The following CCDC106 variants were observed in gnomAD, a reference collection of about 807,000 sequenced individuals.
CCDC106 encodes coiled-coil domain-containing protein 106.
Under a neutral mutation model 24.7 loss-of-function variants are expected in CCDC106, and 17 were observed. The observed-to-expected ratio is 0.69, with a 90% CI of 0.47 to 1.03. The LOEUF (loss-of-function observed/expected upper bound fraction) is 1.03, where lower values mean the gene tolerates loss of function less well. Among genes scored for constraint, CCDC106 ranks in the 50% least tolerant of loss-of-function variants. CCDC106 has a pLI of 0.00. For missense variants in CCDC106, 337 were observed against 388.9 expected, an observed-to-expected ratio of 0.87 and a Z score of 1.12; for synonymous variants, 211 against 161.3, an observed-to-expected ratio of 1.31 and a Z score of -2.34.
chr19:55,650,822 C>A (rs773483863), intron 3 of CCDC106, among the ~76,000 whole-genome samples: 10 of 152,188 alleles, frequency 6.6e-5, no homozygotes, highest in Admixed American at 6.5e-4. Context: ...CTCCGCCTGC[C>A]GGCTCCCTCT....
At position 55,652,943 on chromosome 19, in the gene CCDC106, G is replaced by C. The variant is rs892641676; in HGVS notation, c.*197G>C. 17 of 575,156 alleles carry C rather than the reference G, an allele frequency of 3.0e-5. No individual in the cohort carries two copies. Among genetic ancestry groups the C allele is most frequent in the Non-Finnish European group, 4.6e-5 (15 of 324,954 alleles). The allele number at this position is 575,156 out of a possible 1,614,324, so 35.6% of individuals were successfully genotyped here. A position where few individuals can be genotyped will look rare whatever the true frequency, so the allele number is the denominator to read the frequency against. On this transcript the variant is annotated 3_prime_UTR_variant, in exon 5 of 5. Transcript: ENST00000586790. This position sits in a 1 kb window ranked among gnomAD's most constrained non-coding sequence, Gnocchi z 5.9. Reference sequence around the variant, plus strand: ...CGAACGCCGGCACCCCCTTCCGCTTGGGCTGCCCAGCCCTGTCCTCGCCGG... The same window carrying C: ...CGAACGCCGGCACCCCCTTCCGCTTCGGCTGCCCAGCCCTGTCCTCGCCGG...
At position 55,648,605 on chromosome 19, in the gene CCDC106, C is replaced by T. The variant is rs1983021288; in HGVS notation, c.-442C>T. On this transcript the variant is annotated 5_prime_UTR_variant, in exon 1 of 5. It introduces an in-frame stop codon into an upstream open reading frame of the 5' UTR. Transcript: ENST00000586790. ...CTCCTCCTACCCTGGGAAGTTGGGG[C>T]AGTTTCCCCCTGCACCTGCCTCTTC... The T allele has an allele frequency of 5.3e-6, 1 of 189,716 alleles. No homozygotes were observed. Among genetic ancestry groups the T allele is most frequent in the Admixed American group, 5.4e-5 (1 of 18,636 alleles). 11.8% of individuals were successfully genotyped at this position (189,716 alleles called of 1,614,324 possible). A position where few individuals can be genotyped will look rare whatever the true frequency, so the allele number is the denominator to read the frequency against.
Position 55,649,572 on chromosome 19 carries a change from C to T in CCDC106, c.301C>T (p.Arg101Trp). The T allele has an allele frequency of 1.9e-6, 3 of 1,613,686 alleles. No homozygotes were observed. Among genetic ancestry groups the T allele is most frequent in the South Asian group, 1.1e-5 (1 of 91,010 alleles). ...GCTGGACAAATTCATCTCTTCTGCT[C>T]GGATGGAGGCAGGTGTGTGTGGGGT... ...CQLDKFISSA[R>W]MEAEDHCRMK... Residue 101 changes from arginine to tryptophan, a missense_variant, in exon 3 of 5, where the codon CGG (arginine) becomes TGG (tryptophan). Arg to Trp is a moderately radical substitution (Grantham distance 101, BLOSUM62 -3). Around this residue, in one of 2 missense-constraint regions of CCDC106, gnomAD observed 234 missense variants for 236.5 expected, o/e 0.99. Coordinates refer to ENST00000586790, the MANE Select transcript of CCDC106 (RefSeq NM_001370470.1).
chr19:55,653,009 C>CCT lies in CCDC106; in HGVS notation c.*265_*266dup. ...AAAACCAGGCAGGCGGGTGCCCCCC[C>CCT]CTCGAGTGGGGGACTGTACAGACCC... On this transcript the variant is annotated 3_prime_UTR_variant, in exon 5 of 5. Coordinates refer to ENST00000586790, the MANE Select transcript of CCDC106 (RefSeq NM_001370470.1). 6.1e-6 allele frequency: 3 copies of CCT among 492,442 alleles called. No homozygotes were observed. In the South Asian group the frequency reaches 7.2e-5, roughly 12 times the overall value. 30.5% of individuals were successfully genotyped at this position (492,442 alleles called of 1,614,324 possible). A position where few individuals can be genotyped will look rare whatever the true frequency, so the allele number is the denominator to read the frequency against.
Position 55,648,620 on chromosome 19 carries a change from C to T in CCDC106, c.-427C>T, listed in dbSNP as rs978617152. 14 of 209,802 alleles carry T rather than the reference C, an allele frequency of 6.7e-5. No homozygotes were observed. Among genetic ancestry groups the T allele is most frequent in the African/African-American group, 2.3e-4 (10 of 43,116 alleles). 13.0% of individuals were successfully genotyped at this position (209,802 alleles called of 1,614,324 possible). ...GAAGTTGGGGCAGTTTCCCCCTGCA[C>T]CTGCCTCTTCCTTAGGCCTGGCAGT... On this transcript the variant is annotated 5_prime_UTR_variant, in exon 1 of 5. Coordinates refer to ENST00000586790, the MANE Select transcript of CCDC106 (RefSeq NM_001370470.1).
At position 55,648,971 on chromosome 19, in the gene CCDC106, C is replaced by T. The variant is rs1600055446; in HGVS notation, c.-76C>T. 19 of 1,433,940 alleles carry T rather than the reference C, an allele frequency of 1.3e-5. No individual in the cohort carries two copies. The highest frequency in any genetic ancestry group is 1.8e-5 in the Non-Finnish European group (18 of 1,018,536). 88.8% of individuals were successfully genotyped at this position (1,433,940 alleles called of 1,614,324 possible). A position where few individuals can be genotyped will look rare whatever the true frequency, so the allele number is the denominator to read the frequency against. The stretch of plus-strand genomic sequence containing the variant: ...GATGGACCCTCCAGTCCATCTGCGT[C>T]TCTCCATTTGTGGCTGCCGTTTCTG... On this transcript the variant is annotated 5_prime_UTR_variant, in exon 1 of 5. Coordinates refer to ENST00000586790, the MANE Select transcript of CCDC106 (RefSeq NM_001370470.1).
rs1302348594 is a variant in CCDC106 at position 55,648,497 on chromosome 19, G to A, written c.-550G>A. Reference sequence around the variant, plus strand: ...GCACGCGCCCAGCCCCCACCACCGGGGGACGGTCCGCCCGCCCACGCGAGT... The same window carrying A: ...GCACGCGCCCAGCCCCCACCACCGGAGGACGGTCCGCCCGCCCACGCGAGT... On this transcript the variant is annotated 5_prime_UTR_variant, in exon 1 of 5. Coordinates refer to ENST00000586790, the MANE Select transcript of CCDC106 (RefSeq NM_001370470.1). 6.3e-6 allele frequency: 1 copy of A among 158,528 alleles called. No homozygotes were observed. Among genetic ancestry groups the A allele is most frequent in the African/African-American group, 2.4e-5 (1 of 41,486 alleles). 9.8% of individuals were successfully genotyped at this position (158,528 alleles called of 1,614,324 possible).
intron 3 of CCDC106, 166 bp downstream of exon 3, chr19:55,649,750 C>T (rs2123648568): frequency 4.8e-6 from 3 of 629,366 alleles, no homozygotes; most frequent in East Asian, 5.5e-5. Flanking sequence ...GCTGCCTCCT[C>T]ACTTGATTCC....
chr19:55,651,406 G>A lies in CCDC106; in HGVS notation c.437G>A (p.Gly146Asp). 6.2e-7 allele frequency: 1 copy of A among 1,611,162 alleles called. No individual in the cohort carries two copies. The highest frequency in any genetic ancestry group is 1.1e-5 in the South Asian group (1 of 90,696). The change falls in exon 4 of 5, where the codon GGC becomes GAC. Residue 146 changes from glycine to aspartate, a missense_variant. Transcript: ENST00000586790. ...ASSLSGASEE[G>D]SASERRRQKQ... The stretch of plus-strand genomic sequence containing the variant: ...TCCCTCAGCGGAGCGTCCGAAGAAG[G>A]CAGCGCCAGTGAGAGGAGGCGGCAG...
Position 55,649,002 on chromosome 19 carries a change from T to G in CCDC106, c.-45T>G, listed in dbSNP as rs1360141807. 14 of 1,602,472 alleles carry G rather than the reference T, an allele frequency of 8.7e-6. No homozygotes were observed. The highest frequency in any genetic ancestry group is 2.2e-5 in the East Asian group (1 of 44,832). Reference sequence around the variant, plus strand: ...ATTTGTGGCTGCCGTTTCTGTCCAGTGCCCCTGAGGCCCTCGGCTGCTGGG... The same window carrying G: ...ATTTGTGGCTGCCGTTTCTGTCCAGGGCCCCTGAGGCCCTCGGCTGCTGGG... On this transcript the variant is annotated 5_prime_UTR_variant, in exon 1 of 5. Coordinates refer to ENST00000586790, the MANE Select transcript of CCDC106 (RefSeq NM_001370470.1).
Position 55,649,442 on chromosome 19 carries a change from GA to G in CCDC106, c.172del (p.Met58Ter). The G allele has an allele frequency of 6.2e-7, 1 of 1,614,160 alleles. No individual in the cohort carries two copies. The highest frequency in any genetic ancestry group is 8.5e-7 in the Non-Finnish European group (1 of 1,180,012). ...AGGCTGCGTCCTCCGCCCTGGCTCT[GA>G]TGAACAGCGTCAAGACCCAGCTGCA... ...PEAASSALALMNSVKTQLHMA... is the reference protein window; with the variant it reads ...PEAASSALALXNSVKTQLHMA... On this transcript the variant is annotated frameshift_variant, in exon 3 of 5. Coordinates refer to ENST00000586790, the MANE Select transcript of CCDC106 (RefSeq NM_001370470.1). LOFTEE classifies it high-confidence loss of function.
At position 55,649,420 on chromosome 19, in the gene CCDC106, C is replaced by G; in HGVS notation, c.149C>G (p.Ala50Gly). ...GCTGTGTCCCTAGAGCCTCCGGAGG[C>G]TGCGTCCTCCGCCCTGGCTCTGATG... The part of the protein sequence containing the change: ...SRRNFEEPPE[A>G]ASSALALMNS... The change falls in exon 3 of 5, where the codon GCT becomes GGT. Residue 50 changes from alanine to glycine, a missense_variant. This residue lies in a region of CCDC106 where 234 missense variants were observed against 236.5 expected (regional missense o/e 0.99). Coordinates refer to ENST00000586790, the MANE Select transcript of CCDC106 (RefSeq NM_001370470.1). The G allele has an allele frequency of 1.9e-6, 3 of 1,614,064 alleles. No individual in the cohort carries two copies. Among genetic ancestry groups the G allele is most frequent in the Middle Eastern group, 1.6e-4 (1 of 6,062 alleles).
chr19:55,652,900 C>A lies in CCDC106; in HGVS notation c.*154C>A. On this transcript the variant is annotated 3_prime_UTR_variant, in exon 5 of 5. Coordinates refer to ENST00000586790, the MANE Select transcript of CCDC106 (RefSeq NM_001370470.1). This position sits in a 1 kb window ranked among gnomAD's most constrained non-coding sequence, Gnocchi z 5.9. Reference sequence around the variant, plus strand: ...GGCCCCCAAGCGCGACGGCCCCGGACCGGCCGCGGCCCCTTCCCGAACGCC... The same window carrying A: ...GGCCCCCAAGCGCGACGGCCCCGGAACGGCCGCGGCCCCTTCCCGAACGCC... 1.5e-6 allele frequency: 1 copy of A among 654,784 alleles called. No homozygotes were observed. Among genetic ancestry groups the A allele is most frequent in the Non-Finnish European group, 2.6e-6 (1 of 390,594 alleles). The allele number at this position is 654,784 out of a possible 1,614,324, so 40.6% of individuals were successfully genotyped here. A position where few individuals can be genotyped will look rare whatever the true frequency, so the allele number is the denominator to read the frequency against.
intron 4 of CCDC106, among the ~76,000 whole-genome samples, chr19:55,651,814 A>C (rs1318776370): frequency 1.3e-5 from 2 of 151,974 alleles, no homozygotes; most frequent in Non-Finnish European, 2.9e-5. Context: ...GGCACCCGCC[A>C]CCACGCCTGG....
chr19:55,650,440 C>T (rs1369343530), intron 3 of CCDC106, among the ~76,000 whole-genome samples: 2 of 151,902 alleles, frequency 1.3e-5, no homozygotes, highest in African/African-American at 4.9e-5. Flanking sequence ...GGAGAACCCA[C>T]ACTCTACCCC....
In CCDC106 at chr19:55,649,046, C is replaced by T. The variant is rs1403212290; in HGVS notation, c.-1C>T. On this transcript the variant is annotated 5_prime_UTR_variant, in exon 1 of 5. Coordinates refer to ENST00000586790, the MANE Select transcript of CCDC106 (RefSeq NM_001370470.1). ...TGCTGGGGTCCGTAGGAAGCCGCGCCATGAATGACCGGAGCAGTCGGAGGC... is the reference window on the plus strand; with the variant it reads ...TGCTGGGGTCCGTAGGAAGCCGCGCTATGAATGACCGGAGCAGTCGGAGGC... The T allele has an allele frequency of 1.2e-6, 2 of 1,613,396 alleles. No homozygotes were observed. Among genetic ancestry groups the T allele is most frequent in the African/African-American group, 1.3e-5 (1 of 75,000 alleles).
Position 55,648,898 on chromosome 19 carries a change from A to G in CCDC106, c.-149A>G. ...TCCAGGCTCCCTCCTCCCTCAGACC[A>G]GGGGTCCAGGCCAGAAGGTCCCTCC... On this transcript the variant is annotated 5_prime_UTR_variant, in exon 1 of 5. Transcript: ENST00000586790. The G allele has an allele frequency of 2.5e-6, 2 of 791,440 alleles. No individual in the cohort carries two copies. The highest frequency in any genetic ancestry group is 4.3e-6 in the Non-Finnish European group (2 of 464,842). 49.0% of individuals were successfully genotyped at this position (791,440 alleles called of 1,614,324 possible). A position where few individuals can be genotyped will look rare whatever the true frequency, so the allele number is the denominator to read the frequency against.
At chr19:55,649,131 G>A in intron 1 of CCDC106, 54 bp downstream of exon 1, 1 of 1,612,670 alleles carries the variant, frequency 6.2e-7, no homozygotes, top group Non-Finnish European at 8.5e-7. Flanking sequence ...GTCGGCTCCA[G>A]GCTGCCGTGG....
upstream of CCDC106, among the ~76,000 whole-genome samples, chr19:55,647,445 C>G (rs1346756855): frequency 1.3e-5 from 2 of 152,216 alleles, no homozygotes; most frequent in Non-Finnish European, 2.9e-5. Context: ...CACCATCTGA[C>G]CTCAAATAAT....
Sources: allele counts gnomAD v4.1 joint callset (sites outside exome capture counted in the v4.1 genomes callset), GRCh38; gene constraint gnomAD v4.1.1; regional missense constraint gnomAD v4.1.1; non-coding constraint Gnocchi (gnomAD v3.1); transcripts MANE v1.5; gene names NCBI Gene and HGNC (gene_info 2026-07-23, HGNC 2026-07-21).